NUP160: variants seen among roughly 807,000 people sequenced by gnomAD.
NUP160 encodes the protein nuclear pore complex protein Nup160.
Under a neutral mutation model 196.9 loss-of-function variants are expected in NUP160, and 94 were observed. That is an observed-to-expected ratio of 0.48 (90% CI 0.40 to 0.57). The LOEUF is 0.57. NUP160 is among the 20% of genes least tolerant of loss of function. NUP160 has a pLI of 0.00. For synonymous variants in NUP160, 605 were observed against 619.7 expected (o/e 0.98, Z 0.35); for missense variants, 1,638 against 1,748.3 (o/e 0.94, Z 1.13).
intron 22 of NUP160, 132 bp downstream of exon 22, chr11:47,803,306 T>C: frequency 4.8e-6 from 3 of 625,614 alleles, no homozygotes; most frequent in Non-Finnish European, 8.7e-6. Context: ...TGACTGGCAT[T>C]AGTACAGTCT....
chr11:47,823,577 C>T (rs1286729900), intron 7 of NUP160, among the ~76,000 whole-genome samples: 3 of 152,080 alleles, frequency 2.0e-5, no homozygotes, highest in East Asian at 1.9e-4. Flanking sequence ...CTCTATCGCC[C>T]AGGCTGGAGT....
chr11:47,826,459 A>G (rs1228339014), intron 7 of NUP160, among the ~76,000 whole-genome samples: 1 of 152,050 alleles, frequency 6.6e-6, no homozygotes, highest in Non-Finnish European at 1.5e-5. Context: ...GAACTACTAC[A>G]TTCATTCCCG....
In NUP160 at chr11:47,841,693, T is replaced by C. The variant is rs147948942; in HGVS notation, c.315-1105A>G. ...GTACCATCTGATAATTTTTGTTTGT[T>C]TGTTTGTTTTTTTTTTGAGACAGGG... On this transcript the variant is annotated intron_variant, in intron 2 of 35. Transcript: ENST00000378460. The C allele has an allele frequency of 6.5e-3, 1,960 of 299,278 alleles. 9 individuals carry two copies. The highest frequency in any genetic ancestry group is 9.3e-3 in the Non-Finnish European group (1,379 of 148,726). The allele number at this position is 299,278 out of a possible 1,614,324, so 18.5% of individuals were successfully genotyped here.
chr11:47,806,337 T>C, intron 19 of NUP160, 25 bp from the exon 20 acceptor site: 1 of 1,556,332 alleles, frequency 6.4e-7, no homozygotes, highest in Non-Finnish European at 8.8e-7. Flanking sequence ...GTTATGACAG[T>C]TTTGTGTAGT....
At chr11:47,806,513 A>C in intron 19 of NUP160, 1 of 505,092 alleles carries the variant, frequency 2.0e-6, no homozygotes, top group Non-Finnish European at 3.5e-6. Flanking sequence ...CAATAAAAAC[A>C]CCATTCACAT....
chr11:47,786,490 T>G (rs1312010432), exon 32 of NUP160: 13 of 1,614,048 alleles, frequency 8.1e-6, no homozygotes, highest in Non-Finnish European at 1.1e-5. Context: ...GAGAGCTGAT[T>G]GGCTGCTAGC....
exon 13 of NUP160, chr11:47,815,559 G>A (rs181307097): frequency 1.2e-6 from 2 of 1,613,232 alleles, no homozygotes; most frequent in East Asian, 4.5e-5. Context: ...TGATACTGAA[G>A]ACAACAGGCA....
Position 47,798,083 on chromosome 11 carries a change from A to G in NUP160, c.3087-9T>C. On this transcript the variant is annotated splice_polypyrimidine_tract_variant and intron_variant, in intron 25 of 35. Coordinates refer to ENST00000378460, the Ensembl canonical transcript of NUP160. ...GTAAACAATCTAATTGCCTAGAAGG[A>G]AAGAAAGGAATATGAGGGCAAACTA... The G allele has an allele frequency of 6.4e-7, 1 of 1,568,900 alleles. No individual in the cohort carries two copies. The highest frequency in any genetic ancestry group is 8.7e-7 in the Non-Finnish European group (1 of 1,146,860).
At chr11:47,809,083 A>G (rs1175862627) in intron 17 of NUP160, among the ~76,000 whole-genome samples, 1 of 151,672 alleles carries the variant, frequency 6.6e-6, no homozygotes, top group Non-Finnish European at 1.5e-5. Context: ...CCTGGGTGAC[A>G]GAGCAAGACT....
Position 47,807,055 on chromosome 11 carries a change from T to C in NUP160, c.2446+15A>G, listed in dbSNP as rs145652179. 2.6e-4 allele frequency: 400 copies of C among 1,560,402 alleles called. 6 individuals are homozygous for C. The East Asian group carries it at 7.1e-3, about 28-fold the overall frequency. ...CCCAGTTTAAAATGAAATGTGTACATAGTCCACTCCTTACCAAACCTATTT... is the reference window on the plus strand; with the variant it reads ...CCCAGTTTAAAATGAAATGTGTACACAGTCCACTCCTTACCAAACCTATTT... On this transcript the variant is annotated intron_variant, in intron 19 of 35. Coordinates refer to ENST00000378460, the Ensembl canonical transcript of NUP160.
At chr11:47,804,726 A>G (rs2097676469) in intron 20 of NUP160, 108 bp from the exon 21 acceptor site, 2 of 692,666 alleles carry the variant, frequency 2.9e-6, no homozygotes, top group African/African-American at 3.8e-5. Flanking sequence ...TTACATAAAC[A>G]AGGCAGAGAA....
In NUP160 at chr11:47,782,369, G is replaced by A. The variant is rs868563835; in HGVS notation, c.4116+704C>T. On this transcript the variant is annotated intron_variant, in intron 34 of 35. Coordinates refer to ENST00000378460, the Ensembl canonical transcript of NUP160. Reference sequence around the variant, plus strand: ...ATATATATATATATGCGCCTATACCGATGTTCCTCAACTTATGGTGGGTTT... The same window carrying A: ...ATATATATATATATGCGCCTATACCAATGTTCCTCAACTTATGGTGGGTTT... Among the ~76,000 whole-genome samples the A allele has an allele frequency of 4.0e-5, 5 of 124,284 alleles. No homozygotes were observed. In the South Asian group the frequency reaches 1.0e-3, roughly 25 times the overall value. The allele number at this position is 124,284 out of a possible 152,430, so 81.5% of individuals were successfully genotyped here.
chr11:47,821,566 C>A, intron 9 of NUP160, 158 bp downstream of exon 9: 1 of 567,742 alleles, frequency 1.8e-6, no homozygotes, highest in South Asian at 2.4e-5. Context: ...GTTTCTGTTG[C>A]CCAGCCTGGT....
chr11:47,815,939 G>A lies in NUP160; in HGVS notation c.1515+7C>T. 6.2e-7 allele frequency: 1 copy of A among 1,604,270 alleles called. No individual in the cohort carries two copies. The highest frequency in any genetic ancestry group is 1.1e-5 in the South Asian group (1 of 90,794). Reference sequence around the variant, plus strand: ...GAATTCTTATTCTTTCTCTACCCAAGCCTCACCTCATTTTCAACAGCTAAA... The same window carrying A: ...GAATTCTTATTCTTTCTCTACCCAAACCTCACCTCATTTTCAACAGCTAAA... On this transcript the variant is annotated splice_region_variant and intron_variant, in intron 12 of 35. Coordinates refer to ENST00000378460, the Ensembl canonical transcript of NUP160.
intron 4 of NUP160, among the ~76,000 whole-genome samples, chr11:47,839,081 A>G (rs1852243978): frequency 6.6e-6 from 1 of 151,630 alleles, no homozygotes. Context: ...CAGTGCAGTG[A>G]CATGACCCAA....
At chr11:47,812,839 T>C (rs1427073328) in intron 15 of NUP160, 43 bp downstream of exon 15, 2 of 1,552,260 alleles carry the variant, frequency 1.3e-6, no homozygotes, top group Non-Finnish European at 1.8e-6. Context: ...CTAAAAATGC[T>C]GAATTTCCAT....
rs1044414762 is a variant in NUP160, at chr11:47,783,089, T to C, written c.4100A>G (p.Gln1367Arg). The C allele has an allele frequency of 1.2e-5, 19 of 1,613,542 alleles. No individual in the cohort carries two copies. The highest frequency in any genetic ancestry group is 1.4e-5 in the Non-Finnish European group (16 of 1,179,818). Reference sequence around the variant, plus strand: ...TATGCCTACCTCAATTCCGAAGTATTGATGTCCTTTTCCCAATACAGCATC... The same window carrying C: ...TATGCCTACCTCAATTCCGAAGTATCGATGTCCTTTTCCCAATACAGCATC... Residue 1367 changes from glutamine (Q) to arginine (R), a missense_variant, in exon 34 of 36, where the codon CAA becomes CGA. Transcript: ENST00000378460.
chr11:47,797,981 A>T, exon 26 of NUP160: 1 of 1,570,902 alleles, frequency 6.4e-7, no homozygotes, highest in South Asian at 1.1e-5. Flanking sequence ...AAATTACCTC[A>T]TTATGCAGAT....
intron 17 of NUP160, among the ~76,000 whole-genome samples, chr11:47,811,510 G>A (rs2097681106): frequency 6.6e-6 from 1 of 151,266 alleles, no homozygotes; most frequent in African/African-American, 2.4e-5. Context: ...GAGAGAGACA[G>A]GAAAAAAAAA....
Sources: gnomAD v4.1 joint callset for allele counts (sites outside exome capture counted in the v4.1 genomes callset) on GRCh38, gnomAD v4.1.1 for gene constraint, MANE v1.5 for transcripts, NCBI Gene and HGNC (gene_info 2026-07-23, HGNC 2026-07-21) for gene names.